The following HDAC4 variants were observed in gnomAD, a reference collection of about 807,000 sequenced individuals.
HDAC4 encodes histone deacetylase A.
A neutral mutation model predicts 135.1 loss-of-function variants in HDAC4; 16 were observed. That is an observed-to-expected ratio of 0.12 (90% CI 0.08 to 0.18). The LOEUF (loss-of-function observed/expected upper bound fraction) is 0.18, where lower values mean the gene tolerates loss of function less well. Ranked by LOEUF, HDAC4 falls within the 10% of genes least tolerant of loss-of-function variation. The pLI is 1.00. For missense variants in HDAC4, 1,143 were observed against 1,511.8 expected, an observed-to-expected ratio of 0.76 and a Z score of 4.05; for synonymous variants, 685 against 653.4, an observed-to-expected ratio of 1.05 and a Z score of -0.74.
At chr2:239,100,021 C>T (rs1454719504) in intron 16 of HDAC4, among the ~76,000 whole-genome samples, 4 of 152,382 alleles carry the variant, frequency 2.6e-5, no homozygotes, top group African/African-American at 4.8e-5. Context: ...GGCAATGAGG[C>T]GCCCTTAAAA....
At chr2:239,135,974 CT>C (rs952276457) in intron 9 of HDAC4, among the ~76,000 whole-genome samples, 1 of 152,230 alleles carries the variant, frequency 6.6e-6, no homozygotes, top group African/African-American at 2.4e-5. Flanking sequence ...CAGCAACAGT[CT>C]CCAAGGACTT....
Position 239,262,754 on chromosome 2 carries a change from G to T in HDAC4, c.23-26090C>A, listed in dbSNP as rs376225199. On this transcript the variant is annotated intron_variant, in intron 2 of 26. Coordinates refer to ENST00000543185, the MANE Select transcript of HDAC4 (RefSeq NM_001378414.1). This position sits in a 1 kb window ranked among gnomAD's most constrained non-coding sequence, Gnocchi z 4.1. ...ACAGGGCATTCTGTGGGCCACGCTC[G>T]CAGCCCAAGAACACAGACGAGGAGG... Among the ~76,000 whole-genome samples, 25 of 152,332 alleles carry T rather than the reference G, an allele frequency of 1.6e-4. No individual in the cohort carries two copies. In the South Asian group the frequency reaches 5.0e-3, roughly 30 times the overall value.
At chr2:239,102,981 T>C (rs1030311872) in intron 15 of HDAC4, 85 bp from the exon 16 acceptor site, 71 of 1,557,176 alleles carry the variant, frequency 4.6e-5, no homozygotes, top group Admixed American at 1.7e-4. Context: ...ACTGAAACCA[T>C]TGCCCAAAAG....
intron 2 of HDAC4, among the ~76,000 whole-genome samples, chr2:239,277,647 C>A (rs962522792): frequency 1.3e-5 from 2 of 152,202 alleles, no homozygotes; most frequent in Non-Finnish European, 2.9e-5. Flanking sequence ...GTTCTAGCTG[C>A]CTAAAAGGGC....
intron 2 of HDAC4, among the ~76,000 whole-genome samples, chr2:239,314,639 A>C (rs1486077810): frequency 6.6e-6 from 1 of 152,254 alleles, no homozygotes; most frequent in African/African-American, 2.4e-5. Context: ...GAGTGAGTTA[A>C]CTAATCAAGT....
chr2:239,192,227 C>T (rs922649798), intron 3 of HDAC4, among the ~76,000 whole-genome samples: 38 of 115,572 alleles, frequency 3.3e-4, no homozygotes, highest in Non-Finnish European at 5.5e-4. Flanking sequence ...AGCAGGGGTC[C>T]ACCCACCCCC....
At chr2:239,078,606 T>C (rs1315944024) in intron 22 of HDAC4, among the ~76,000 whole-genome samples, 13 of 151,912 alleles carry the variant, frequency 8.6e-5, no homozygotes, top group Admixed American at 8.5e-4. Flanking sequence ...CTTGATAAGG[T>C]ATTATCACGG....
intron 2 of HDAC4, among the ~76,000 whole-genome samples, chr2:239,350,310 G>A (rs1174011699): frequency 2.6e-5 from 4 of 151,772 alleles, no homozygotes; most frequent in African/African-American, 7.3e-5. Flanking sequence ...GCAAAAAATG[G>A]TTATTAATGT....
chr2:239,096,352 C>T (rs1315941406), intron 16 of HDAC4, among the ~76,000 whole-genome samples: 1 of 129,258 alleles, frequency 7.7e-6, no homozygotes, highest in East Asian at 2.2e-4. Context: ...GCCCACACCC[C>T]ACCGACAGAT....
At chr2:239,353,904 GAATTT>G (rs1414781996) in intron 1 of HDAC4, among the ~76,000 whole-genome samples, 1 of 152,162 alleles carries the variant, frequency 6.6e-6, no homozygotes, top group East Asian at 1.9e-4. Flanking sequence ...TGTAATCACA[GAATTT>G]AATTCTAAAG....
chr2:239,188,987 A>G (rs901507926), intron 4 of HDAC4, among the ~76,000 whole-genome samples: 2 of 152,266 alleles, frequency 1.3e-5, no homozygotes, highest in African/African-American at 4.8e-5. Context: ...AAGCTGCTCC[A>G]GGATTCCTGA....
At chr2:239,258,002 G>A (rs1056584603) in intron 2 of HDAC4, among the ~76,000 whole-genome samples, 4 of 152,128 alleles carry the variant, frequency 2.6e-5, no homozygotes, top group African/African-American at 9.7e-5. Context: ...TTCTAGTAAC[G>A]ATAAAAGAGT....
rs555949000 is a variant in HDAC4 at position 239,234,892 on chromosome 2, G to A, written c.94+1701C>T. Reference sequence around the variant, plus strand: ...CTTTTCCCAGCCCATCAAGCTATCAGAAAATCCTCTTACCCTCGTGCCACG... The same window carrying A: ...CTTTTCCCAGCCCATCAAGCTATCAAAAAATCCTCTTACCCTCGTGCCACG... On this transcript the variant is annotated intron_variant, in intron 3 of 26. Transcript: ENST00000543185. Among the ~76,000 whole-genome samples the A allele has an allele frequency of 2.5e-4, 38 of 152,280 alleles. No individual in the cohort carries two copies. The Middle Eastern group carries it at 0.01, about 41-fold the overall frequency.
At chr2:239,326,355 A>G (rs2053469993) in intron 2 of HDAC4, among the ~76,000 whole-genome samples, 1 of 152,208 alleles carries the variant, frequency 6.6e-6, no homozygotes, top group Non-Finnish European at 1.5e-5. Context: ...TGGGTGCCGC[A>G]GCCAGAGGGA....
chr2:239,271,622 C>T (rs1163351364), intron 2 of HDAC4, among the ~76,000 whole-genome samples: 1 of 152,178 alleles, frequency 6.6e-6, no homozygotes, highest in Non-Finnish European at 1.5e-5. Context: ...CGGGTAGACA[C>T]TGTCGTCATC....
At chr2:239,086,979 G>A (rs1179678396) in intron 19 of HDAC4, among the ~76,000 whole-genome samples, 5 of 152,142 alleles carry the variant, frequency 3.3e-5, no homozygotes, top group Non-Finnish European at 5.9e-5. Context: ...ACAGACAGCT[G>A]CGGGTCTGTC....
At chr2:239,135,408 G>T (rs1320867620) in intron 9 of HDAC4, among the ~76,000 whole-genome samples, 1 of 152,190 alleles carries the variant, frequency 6.6e-6, no homozygotes, top group Non-Finnish European at 1.5e-5. Flanking sequence ...GACCAGTGAC[G>T]GCAGAGCTCA....
chr2:239,236,617 G>C lies in HDAC4; in HGVS notation c.70C>G (p.Arg24Gly), dbSNP rs1180905679. 7 of 1,551,624 alleles carry C rather than the reference G, an allele frequency of 4.5e-6. No homozygotes were observed. The highest frequency in any genetic ancestry group is 1.7e-4 in the Middle Eastern group (1 of 6,012). ...DQPVELLNPA[R>G]VNHMPSTVDV... ...CCCGTGCTGGGCATGTGGTTCACGCGGGCAGGATTCAGCAGCTCCACTGGC... is the reference window on the plus strand; with the variant it reads ...CCCGTGCTGGGCATGTGGTTCACGCCGGCAGGATTCAGCAGCTCCACTGGC... Residue 24 changes from arginine to glycine, a missense_variant, in exon 3 of 27, where the codon CGC becomes GGC. Physicochemically the swap from Arg to Gly is moderately radical, Grantham distance 125. Transcript: ENST00000543185.
chr2:239,112,016 G>A (rs2038720810), intron 13 of HDAC4, among the ~76,000 whole-genome samples: 1 of 152,200 alleles, frequency 6.6e-6, no homozygotes, highest in East Asian at 1.9e-4. Context: ...CACAGGTTGA[G>A]TCAGGGGGTC....
Sources: gnomAD v4.1 joint callset for allele counts (sites outside exome capture counted in the v4.1 genomes callset) on GRCh38, gnomAD v4.1.1 for gene constraint, Gnocchi (gnomAD v3.1) non-coding constraint, MANE v1.5 for transcripts, NCBI Gene and HGNC (gene_info 2026-07-23, HGNC 2026-07-21) for gene names.